Variants in ZNF704 observed in about 807,000 individuals in gnomAD.
ZNF704 encodes the protein zinc finger protein 704.
In ZNF704, 10 loss-of-function variants were observed where a neutral mutation model predicts 44.7. The ratio of observed to expected loss-of-function variants is 0.22; its 90% CI spans 0.14 to 0.38. The LOEUF is 0.38. ZNF704 is among the 10% of genes least tolerant of loss of function. ZNF704 has a pLI of 1.00. For missense variants in ZNF704, 390 were observed against 545.5 expected, an observed-to-expected ratio of 0.71 and a Z score of 2.84; for synonymous variants, 211 against 207.6, an observed-to-expected ratio of 1.02 and a Z score of -0.14.
chr8:80,843,917 G>C lies in ZNF704; in HGVS notation c.-21-22302C>G, dbSNP rs115696558. ...TTTGCTACATATTGTAAGCACAAGG[G>C]AGAACAGTGAAATATATATATATGT... On this transcript the variant is annotated intron_variant, in intron 1 of 8. Coordinates refer to ENST00000327835, the MANE Select transcript of ZNF704 (RefSeq NM_001033723.3). 7.1e-3 allele frequency among the ~76,000 whole-genome samples: 1,076 copies of C among 150,850 alleles called. 8 individuals carry two copies. Among genetic ancestry groups the C allele is most frequent in the African/African-American group, 0.024 (985 of 41,114 alleles).
intron 1 of ZNF704, among the ~76,000 whole-genome samples, chr8:80,861,515 C>T (rs11987065): frequency 3.2e-4 from 48 of 152,176 alleles, no homozygotes; most frequent in African/African-American, 1.1e-3. Flanking sequence ...GTGATGATGG[C>T]TGCACAACTC....
chr8:80,814,859 T>C (rs550995585), intron 2 of ZNF704, among the ~76,000 whole-genome samples: 3 of 152,324 alleles, frequency 2.0e-5, no homozygotes, highest in Non-Finnish European at 4.4e-5. Context: ...CTTCTAGAGA[T>C]TCAAAAATAA....
At chr8:80,758,560 T>C (rs1311616840) in intron 2 of ZNF704, among the ~76,000 whole-genome samples, 1 of 152,174 alleles carries the variant, frequency 6.6e-6, no homozygotes, top group African/African-American at 2.4e-5. Context: ...TGACTCATTT[T>C]AAGAGTTTGC....
intron 4 of ZNF704, among the ~76,000 whole-genome samples, chr8:80,684,796 C>A (rs922139446): frequency 6.6e-5 from 10 of 152,154 alleles, no homozygotes; most frequent in Non-Finnish European, 1.2e-4. Flanking sequence ...GCATTATTCT[C>A]AGGGCAATAA....
chr8:80,867,891 T>G (rs1298319259), intron 1 of ZNF704, among the ~76,000 whole-genome samples: 1 of 152,222 alleles, frequency 6.6e-6, no homozygotes, highest in Admixed American at 6.5e-5. Context: ...AAGCCTTTCT[T>G]CAGCAGTTTT....
chr8:80,758,387 CT>C (rs981113397), intron 2 of ZNF704, among the ~76,000 whole-genome samples: 3 of 152,124 alleles, frequency 2.0e-5, no homozygotes, highest in African/African-American at 7.2e-5. Context: ...AAGTGTCACC[CT>C]TATTAAGCAT....
intron 2 of ZNF704, among the ~76,000 whole-genome samples, chr8:80,704,251 T>G (rs1818860414): frequency 6.6e-6 from 1 of 152,240 alleles, no homozygotes; most frequent in South Asian, 2.1e-4. Flanking sequence ...TCTCGAACAT[T>G]CCTTGATGGC....
the ZNF704 span, among the ~76,000 whole-genome samples, chr8:80,879,864 AGC>A: frequency 6.6e-6 from 1 of 152,030 alleles, no homozygotes; most frequent in African/African-American, 2.4e-5. Flanking sequence ...CTTTTCTTAC[AGC>A]TTTTTTCATG....
chr8:80,662,753 C>T (rs184131237), intron 6 of ZNF704, among the ~76,000 whole-genome samples: 112 of 152,194 alleles, frequency 7.4e-4, no homozygotes, highest in Middle Eastern at 3.4e-3. Flanking sequence ...ATTACATCCT[C>T]GGACTCAATA....
chr8:80,677,585 A>G lies in ZNF704; in HGVS notation c.559-6982T>C, dbSNP rs187119655. 3.9e-5 allele frequency among the ~76,000 whole-genome samples: 6 copies of G among 152,344 alleles called. No homozygotes were observed. In the East Asian group the frequency reaches 9.6e-4, roughly 24 times the overall value. On this transcript the variant is annotated intron_variant, in intron 4 of 8. Coordinates refer to ENST00000327835, the MANE Select transcript of ZNF704 (RefSeq NM_001033723.3). ...CCTTGAACCCCTGCTAAAGGTTCCAAAGAAATCTGTTACCCAAAGAAAATT... is the reference window on the plus strand; with the variant it reads ...CCTTGAACCCCTGCTAAAGGTTCCAGAGAAATCTGTTACCCAAAGAAAATT...
chr8:80,703,060 C>T (rs929186499), intron 2 of ZNF704, among the ~76,000 whole-genome samples: 1 of 152,088 alleles, frequency 6.6e-6, no homozygotes, highest in Admixed American at 6.5e-5. Context: ...GGGAGGCTCC[C>T]CATTGCCCTC....
chr8:80,680,419 G>A (rs1818435199), intron 4 of ZNF704, among the ~76,000 whole-genome samples: 1 of 151,690 alleles, frequency 6.6e-6, no homozygotes, highest in Non-Finnish European at 1.5e-5. Context: ...GGCAGGGCAG[G>A]GACAGGGGCT....
chr8:80,787,424 A>C, intron 2 of ZNF704, among the ~76,000 whole-genome samples: 1 of 152,202 alleles, frequency 6.6e-6, no homozygotes, highest in East Asian at 1.9e-4. Context: ...ACAAAACCCT[A>C]CAAGAGTTAG....
upstream of ZNF704, among the ~76,000 whole-genome samples, chr8:80,875,915 A>G (rs1165437631): frequency 6.6e-6 from 1 of 152,202 alleles, no homozygotes; most frequent in Non-Finnish European, 1.5e-5. Context: ...ATTTCAGGTG[A>G]TGAAACTCTC....
intron 2 of ZNF704, among the ~76,000 whole-genome samples, chr8:80,779,343 G>A (rs764645309): frequency 6.6e-6 from 1 of 152,158 alleles, no homozygotes; most frequent in Non-Finnish European, 1.5e-5. Context: ...CCAGGTTTAA[G>A]TGATTCTCTT....
Position 80,856,151 on chromosome 8 carries a change from G to T in ZNF704, c.-22+18420C>A, listed in dbSNP as rs565124948. Among the ~76,000 whole-genome samples, 32 of 152,254 alleles carry T rather than the reference G, an allele frequency of 2.1e-4. No homozygotes were observed. In the South Asian group the frequency reaches 4.1e-3, roughly 20 times the overall value. ...TCTTTGTATTTTTTGTAGAGAAAGG[G>T]TCTTGCTTGGTTGCCGGGGCTGGTC... is the stretch of plus-strand genomic sequence containing the variant. On this transcript the variant is annotated intron_variant, in intron 1 of 8. Coordinates refer to ENST00000327835, the MANE Select transcript of ZNF704 (RefSeq NM_001033723.3).
chr8:80,740,856 C>G (rs575044749), intron 2 of ZNF704, among the ~76,000 whole-genome samples: 15 of 152,364 alleles, frequency 9.8e-5, no homozygotes, highest in African/African-American at 3.6e-4. Flanking sequence ...AGTTCTCATA[C>G]TTGGACACTC....
At chr8:80,862,764 C>CAAAAAAA (rs71266094) in intron 1 of ZNF704, among the ~76,000 whole-genome samples, 10 of 13,078 alleles carry the variant, frequency 7.6e-4, no homozygotes, top group Admixed American at 1.7e-3. Context: ...GACTCCGTCT[C>CAAAAAAA]AAAAAAAAAA....
chr8:80,694,199 A>G (rs1254877778), intron 2 of ZNF704: 1 of 152,152 alleles, frequency 6.6e-6, no homozygotes, highest in Non-Finnish European at 1.5e-5. Flanking sequence ...CTTACTATAG[A>G]AAGAGTAGGT....
Sources: allele counts gnomAD v4.1 joint callset (sites outside exome capture counted in the v4.1 genomes callset), GRCh38; gene constraint gnomAD v4.1.1; transcripts MANE v1.5; gene names NCBI Gene and HGNC (gene_info 2026-07-23, HGNC 2026-07-21).